GNAS-AS1: variants seen among roughly 807,000 people sequenced by gnomAD.
The protein encoded by GNAS-AS1 is GNAS antisense RNA 1 (non-protein coding).
At chr20:58,838,916 C>CAAAA (rs766172876) in intron 4 of GNAS-AS1, 214 of 252,086 alleles carry the variant, frequency 8.5e-4, no homozygotes, top group African/African-American at 2.6e-3. Context: ...GATTCTGTCT[C>CAAAA]AAAAAAAAAA....
At chr20:58,829,806 T>C (rs1232807937) in intron 4 of GNAS-AS1, among the ~76,000 whole-genome samples, 1 of 152,158 alleles carries the variant, frequency 6.6e-6, no homozygotes, top group Admixed American at 6.5e-5. Context: ...ACATCTTTCT[T>C]TTCCAGTGCC....
intron 1 of GNAS-AS1, among the ~76,000 whole-genome samples, chr20:58,849,680 TC>T (rs2086078029): frequency 6.6e-6 from 1 of 152,186 alleles, no homozygotes; most frequent in Admixed American, 6.5e-5. Flanking sequence ...ACACTTTGGC[TC>T]CTCCATCTTT....
At chr20:58,833,527 GACCTTGTAGACCA>G (rs1169739577) in intron 4 of GNAS-AS1, among the ~76,000 whole-genome samples, 4 of 152,122 alleles carry the variant, frequency 2.6e-5, no homozygotes, top group African/African-American at 9.7e-5. Context: ...CAGTGGAGGT[GACCTTGTAGACCA>G]ACCCATCCAA....
At chr20:58,842,287 T>C (rs191063552) in intron 3 of GNAS-AS1, 99 of 398,046 alleles carry the variant, frequency 2.5e-4, no homozygotes, top group South Asian at 1.8e-3. Context: ...ATTTTTTTTT[T>C]CCTGGTGTGC....
At chr20:58,850,685 T>C in exon 1 of GNAS-AS1, 1 of 399,032 alleles carries the variant, frequency 2.5e-6, no homozygotes, top group Non-Finnish European at 4.4e-6. Context: ...TGGCACCCCG[T>C]TGGCTGGGTT....
intron 4 of GNAS-AS1, among the ~76,000 whole-genome samples, chr20:58,829,676 T>C (rs2085541682): frequency 6.6e-6 from 1 of 152,216 alleles, no homozygotes; most frequent in Non-Finnish European, 1.5e-5. Context: ...TGCCACATGC[T>C]CACCCTTCAG....
chr20:58,826,276 A>T (rs1160445357), intron 4 of GNAS-AS1: 1 of 391,568 alleles, frequency 2.6e-6, no homozygotes, highest in Non-Finnish European at 4.5e-6. Context: ...TACTATTAAC[A>T]ACACTGCTGC....
chr20:58,842,018 C>G (rs1424347180), exon 4 of GNAS-AS1: 1 of 791,704 alleles, frequency 1.3e-6, no homozygotes, highest in Non-Finnish European at 1.7e-6. Context: ...GATCAGTCGT[C>G]GAAAAGGAGG....
chr20:58,849,996 C>T (rs1048945171), intron 1 of GNAS-AS1, among the ~76,000 whole-genome samples: 5 of 152,140 alleles, frequency 3.3e-5, no homozygotes, highest in Admixed American at 3.3e-4. Flanking sequence ...GAGATTCTAT[C>T]TAATTTCTCC....
chr20:58,825,957 C>T (rs1375259181), intron 4 of GNAS-AS1: 1 of 397,400 alleles, frequency 2.5e-6, no homozygotes, highest in Non-Finnish European at 4.4e-6. Context: ...GTCTCTCAAT[C>T]AGCAGCCCCA....
In GNAS-AS1 at chr20:58,839,832, G is replaced by C. The variant is rs1438900764; in HGVS notation, n.819+2105C>G. 9 of 593,862 alleles carry C rather than the reference G, an allele frequency of 1.5e-5. 1 individual carries two copies. Among genetic ancestry groups the C allele is most frequent in the Non-Finnish European group, 2.4e-5 (8 of 334,032 alleles). The allele number at this position is 593,862 out of a possible 1,614,324, so 36.8% of individuals were successfully genotyped here. A position where few individuals can be genotyped will look rare whatever the true frequency, so the allele number is the denominator to read the frequency against. ...GGCTGCGGAATCTAAGACTCAGCGAGAGGAGCCCGGGAGGAGACAGAACTT... is the reference window on the plus strand; with the variant it reads ...GGCTGCGGAATCTAAGACTCAGCGACAGGAGCCCGGGAGGAGACAGAACTT... On this transcript the variant is annotated intron_variant and non_coding_transcript_variant, in intron 4 of 4. Coordinates refer to ENST00000424094, the Ensembl canonical transcript of GNAS-AS1.
intron 2 of GNAS-AS1, among the ~76,000 whole-genome samples, chr20:58,846,439 C>T (rs1176369936): frequency 6.6e-6 from 1 of 152,196 alleles, no homozygotes; most frequent in African/African-American, 2.4e-5. Context: ...CTGAGAGTTT[C>T]GTACAGACCT....
intron 4 of GNAS-AS1, among the ~76,000 whole-genome samples, chr20:58,824,747 G>A (rs186337581): frequency 3.3e-5 from 5 of 152,276 alleles, no homozygotes; most frequent in Admixed American, 1.3e-4. Flanking sequence ...TCATATGCTC[G>A]CTGTAAACAT....
chr20:58,846,397 A>G (rs576545615), intron 2 of GNAS-AS1, among the ~76,000 whole-genome samples: 115 of 152,346 alleles, frequency 7.5e-4, no homozygotes, highest in African/African-American at 2.6e-3. Flanking sequence ...AATGAGGCTC[A>G]CAGATTCGAC....
In GNAS-AS1 at chr20:58,824,842, TGA is replaced by T. The variant is rs570213887; in HGVS notation, n.820-5589_820-5588del. The stretch of plus-strand genomic sequence containing the variant: ...TACTTTCTGGCATCCTATCAAGAAC[TGA>T]GAGCACTATGGGAGAACAGACCCAG... On this transcript the variant is annotated intron_variant and non_coding_transcript_variant, in intron 4 of 4. Coordinates refer to ENST00000424094, the Ensembl canonical transcript of GNAS-AS1. 8.3e-3 allele frequency among the ~76,000 whole-genome samples: 1,270 copies of T among 152,336 alleles called. 7 individuals carry two copies. The highest frequency in any genetic ancestry group is 0.013 in the Non-Finnish European group (902 of 68,034).
chr20:58,840,627 C>T lies in GNAS-AS1; in HGVS notation n.819+1310G>A, dbSNP rs1426370411. 1.2e-6 allele frequency: 2 copies of T among 1,607,108 alleles called. No individual in the cohort carries two copies. The highest frequency in any genetic ancestry group is 8.5e-7 in the Non-Finnish European group (1 of 1,178,094). On this transcript the variant is annotated intron_variant and non_coding_transcript_variant, in intron 4 of 4. Transcript: ENST00000424094. The surrounding 1 kb of genome is among the most constrained non-coding windows in gnomAD (Gnocchi z 6.0). The stretch of plus-strand genomic sequence containing the variant: ...CTCAAGTTGCGAAGCCCCGACGCCT[C>T]CCCAAGTCGCGCGCCGCCCAGCACT...
rs747093000 is a variant in GNAS-AS1 at position 58,840,487 on chromosome 20, CGAGCCTGAGACCGCCCCCACCACT to C, written n.819+1426_819+1449del. On this transcript the variant is annotated intron_variant and non_coding_transcript_variant, in intron 4 of 4. Transcript: ENST00000424094. This position sits in a 1 kb window ranked among gnomAD's most constrained non-coding sequence, Gnocchi z 6.0. ...TCGAGTCCGAGACCGACTTCGAGAC[CGAGCCTGAGACCGCCCCCACCACT>C]GAGCCCGAGACCGAGCCTGAAGACG... is the stretch of plus-strand genomic sequence containing the variant. The C allele has an allele frequency of 8.7e-5, 141 of 1,613,520 alleles. No individual in the cohort carries two copies. The highest frequency in any genetic ancestry group is 1.3e-4 in the East Asian group (6 of 44,850).
intron 4 of GNAS-AS1, among the ~76,000 whole-genome samples, chr20:58,830,188 C>T (rs1414856910): frequency 6.6e-6 from 1 of 151,194 alleles, no homozygotes; most frequent in Non-Finnish European, 1.5e-5. Context: ...ATAACCACCA[C>T]CACCACATCA....
chr20:58,838,185 AG>A (rs879319954), intron 4 of GNAS-AS1, among the ~76,000 whole-genome samples: 6 of 152,208 alleles, frequency 3.9e-5, no homozygotes, highest in Non-Finnish European at 8.8e-5. Flanking sequence ...ATGGCCAAAA[AG>A]GCACCCCATA....
Sources: allele counts gnomAD v4.1 joint callset (sites outside exome capture counted in the v4.1 genomes callset), GRCh38; gene constraint gnomAD v4.1.1; non-coding constraint Gnocchi (gnomAD v3.1); transcripts MANE v1.5; gene names NCBI Gene and HGNC (gene_info 2026-07-23, HGNC 2026-07-21).